The following PLPP4 variants were observed in gnomAD, a reference collection of about 807,000 sequenced individuals.
PLPP4 encodes the protein diacylglycerol pyrophosphate like 2.
In PLPP4, 20 loss-of-function variants were observed where a neutral mutation model predicts 32.2. The observed-to-expected ratio is 0.62, with a 90% CI of 0.44 to 0.90. The LOEUF is 0.90. Among genes scored for constraint, PLPP4 ranks in the 40% least tolerant of loss-of-function variants. PLPP4 has a pLI of 0.00. For synonymous variants in PLPP4, 127 were observed against 133.0 expected (o/e 0.95, Z 0.31); for missense variants, 257 against 353.1 (o/e 0.73, Z 2.18).
At chr10:120,546,351 C>G (rs924521547) in intron 5 of PLPP4, among the ~76,000 whole-genome samples, 6 of 152,250 alleles carry the variant, frequency 3.9e-5, no homozygotes, top group South Asian at 2.1e-4. Flanking sequence ...ATAGAGCCTT[C>G]CTGTTCAGTT....
chr10:120,583,960 G>A (rs1193585456), intron 6 of PLPP4, among the ~76,000 whole-genome samples: 1 of 152,174 alleles, frequency 6.6e-6, no homozygotes, highest in African/African-American at 2.4e-5. Flanking sequence ...CCATGCTGAG[G>A]GCTCCACAGA....
intron 1 of PLPP4, among the ~76,000 whole-genome samples, chr10:120,481,675 A>T (rs1052223455): frequency 6.6e-6 from 1 of 152,166 alleles, no homozygotes; most frequent in African/African-American, 2.4e-5. Flanking sequence ...AAAGACCATG[A>T]TCAAAGTTTT....
intron 5 of PLPP4, among the ~76,000 whole-genome samples, chr10:120,545,870 TGG>T (rs751104537): frequency 6.6e-6 from 1 of 152,158 alleles, no homozygotes; most frequent in Non-Finnish European, 1.5e-5. Flanking sequence ...ACCCTCAATC[TGG>T]GTGGGCACCA....
chr10:120,523,370 A>T (rs1846250875), intron 5 of PLPP4, among the ~76,000 whole-genome samples: 2 of 151,874 alleles, frequency 1.3e-5, no homozygotes, highest in South Asian at 4.2e-4. Context: ...ACGGCAGAAC[A>T]CCCGTTTGGA....
chr10:120,544,407 G>A (rs1847512964), intron 5 of PLPP4, among the ~76,000 whole-genome samples: 1 of 152,054 alleles, frequency 6.6e-6, no homozygotes, highest in African/African-American at 2.4e-5. Context: ...ACATTCTCTC[G>A]ATCCTCCCAA....
chr10:120,485,731 GA>G (rs1207326193), intron 1 of PLPP4, among the ~76,000 whole-genome samples: 15 of 152,306 alleles, frequency 9.8e-5, no homozygotes, highest in African/African-American at 3.1e-4. Context: ...TGAAATAAAA[GA>G]AAAGAACAAG....
chr10:120,552,165 G>GGTGTGTGTGTGT (rs58426120), intron 5 of PLPP4, among the ~76,000 whole-genome samples: 6,455 of 138,556 alleles, frequency 0.047, 209 homozygotes, highest in Non-Finnish European at 0.066. Context: ...GTGGTGGTGG[G>GGTGTGTGTGTGT]GTGTGTGTGT....
intron 4 of PLPP4, among the ~76,000 whole-genome samples, chr10:120,520,124 C>T (rs932793129): frequency 2.0e-5 from 3 of 152,158 alleles, no homozygotes; most frequent in African/African-American, 7.2e-5. Context: ...TGTCTGAAGC[C>T]TAGTAAGCAC....
intron 1 of PLPP4, among the ~76,000 whole-genome samples, chr10:120,500,591 G>A (rs940224893): frequency 1.3e-5 from 2 of 150,358 alleles, no homozygotes; most frequent in Non-Finnish European, 1.5e-5. Context: ...GCCTTGTTCT[G>A]GGATACCTGC....
At position 120,514,016 on chromosome 10, in the gene PLPP4, G is replaced by A; in HGVS notation, c.256+15G>A. The A allele has an allele frequency of 6.3e-7, 1 of 1,579,048 alleles. No individual in the cohort carries two copies. Among genetic ancestry groups the A allele is most frequent in the Non-Finnish European group, 8.7e-7 (1 of 1,148,096 alleles). On this transcript the variant is annotated intron_variant, in intron 3 of 6. Coordinates refer to ENST00000398250, the MANE Select transcript of PLPP4 (RefSeq NM_001030059.3). ...AGCCTTCTTAGGTAGAGTATTCACAGTTCCTGCTTTAGGGAATGGGGCTGA... is the reference window on the plus strand; with the variant it reads ...AGCCTTCTTAGGTAGAGTATTCACAATTCCTGCTTTAGGGAATGGGGCTGA...
At chr10:120,528,787 G>T (rs1453891453) in intron 5 of PLPP4, among the ~76,000 whole-genome samples, 2 of 151,980 alleles carry the variant, frequency 1.3e-5, no homozygotes, top group Non-Finnish European at 2.9e-5. Flanking sequence ...TTGTTTTTTT[G>T]TTTTGTTTTG....
At chr10:120,569,083 A>G (rs1848813766) in intron 5 of PLPP4, among the ~76,000 whole-genome samples, 1 of 152,106 alleles carries the variant, frequency 6.6e-6, no homozygotes. Flanking sequence ...TGCCAAAAAT[A>G]CAAAAACTAG....
chr10:120,576,792 AG>A (rs1282362791), intron 6 of PLPP4, among the ~76,000 whole-genome samples: 21 of 152,238 alleles, frequency 1.4e-4, no homozygotes, highest in Non-Finnish European at 3.1e-4. Flanking sequence ...CTGGATGATA[AG>A]AAGCCGCATC....
At position 120,513,995 on chromosome 10, in the gene PLPP4, T is replaced by C; in HGVS notation, c.250T>C (p.Phe84Leu). The C allele has an allele frequency of 1.2e-6, 2 of 1,610,360 alleles. No individual in the cohort carries two copies. The highest frequency in any genetic ancestry group is 1.7e-6 in the Non-Finnish European group (2 of 1,176,544). Residue 84 changes from phenylalanine (F) to leucine (L), a missense_variant, in exon 3 of 7, where the codon TTC (phenylalanine) becomes CTC (leucine). By Grantham distance (22) the Phe-to-Leu change is conservative (BLOSUM62 0). Transcript: ENST00000398250. ...AGACAAGACTGAAATTAAGGAAGCC[T>C]TCTTAGGTAGAGTATTCACAGTTCC... ...RTDKTEIKEA[F>L]LAVSLALALN...
rs759521999 is a variant in PLPP4 at position 120,503,795 on chromosome 10, G to A, written c.57-23G>A. 17 of 1,603,662 alleles carry A rather than the reference G, an allele frequency of 1.1e-5. No homozygotes were observed. The South Asian group carries it at 1.8e-4, about 17-fold the overall frequency. ...CAGCAACAGAACGCTCAACCTTCAT[G>A]TACTTTTCTTTTTATGTTTCAGTTT... is the stretch of plus-strand genomic sequence containing the variant. On this transcript the variant is annotated intron_variant, in intron 1 of 6. Transcript: ENST00000398250.
At chr10:120,537,942 G>A (rs1390670206) in intron 5 of PLPP4, among the ~76,000 whole-genome samples, 1 of 147,322 alleles carries the variant, frequency 6.8e-6, no homozygotes, top group Non-Finnish European at 1.5e-5. Context: ...TCCTCAGCCA[G>A]GGCCCTGCCA....
intron 6 of PLPP4, among the ~76,000 whole-genome samples, chr10:120,588,570 C>T (rs944505435): frequency 2.0e-5 from 3 of 152,136 alleles, no homozygotes; most frequent in Non-Finnish European, 4.4e-5. Context: ...GGCTTTTCTG[C>T]AGCACACCAG....
chr10:120,517,780 A>G (rs1030598780), intron 3 of PLPP4, among the ~76,000 whole-genome samples: 2 of 152,014 alleles, frequency 1.3e-5, no homozygotes, highest in African/African-American at 4.8e-5. Flanking sequence ...CATGTTGGCC[A>G]TTCCACAGTA....
intron 5 of PLPP4, among the ~76,000 whole-genome samples, chr10:120,557,252 AAT>A (rs1848204191): frequency 6.6e-6 from 1 of 152,200 alleles, no homozygotes; most frequent in African/African-American, 2.4e-5. Context: ...TGAAGCTTGA[AAT>A]ATGTTTTGGT....
Sources: gnomAD v4.1 joint callset for allele counts (sites outside exome capture counted in the v4.1 genomes callset) on GRCh38, gnomAD v4.1.1 for gene constraint, MANE v1.5 for transcripts, NCBI Gene and HGNC (gene_info 2026-07-23, HGNC 2026-07-21) for gene names.